NRCAM: variants seen among roughly 807,000 people sequenced by gnomAD.
NRCAM encodes the protein neuronal cell adhesion molecule, also known as NgCAM-related cell adhesion molecule.
In NRCAM, 83 loss-of-function variants were observed where a neutral mutation model predicts 156.5. The observed-to-expected ratio is 0.53, with a 90% CI of 0.44 to 0.64. NRCAM has a LOEUF of 0.64. NRCAM is among the 30% of genes least tolerant of loss of function. The pLI is 0.00. For synonymous variants in NRCAM, 538 were observed against 563.9 expected (o/e 0.95, Z 0.65); for missense variants, 1,417 against 1,597.3 (o/e 0.89, Z 1.92).
intron 2 of NRCAM, among the ~76,000 whole-genome samples, chr7:108,392,760 T>A (rs1184154441): frequency 6.6e-6 from 1 of 152,164 alleles, no homozygotes; most frequent in Non-Finnish European, 1.5e-5. Flanking sequence ...GTGGATGTCG[T>A]TTCTGTTTGT....
In NRCAM at chr7:108,194,308, C is replaced by T. The variant is rs2073740001; in HGVS notation, c.1584G>A (p.Arg528=). The change falls in exon 16 of 33, where the codon AGG becomes AGA. Residue 528 remains arginine, a synonymous_variant. Transcript: ENST00000379028. The part of the protein sequence containing the change: ...DSTGTYTCVA[R]NKLGMAKNEV... ...CATTCTTCGCCATCCCTAATTTATTCCTTGCAACACACGTATAAGTTCCTG... is the reference window on the plus strand; with the variant it reads ...CATTCTTCGCCATCCCTAATTTATTTCTTGCAACACACGTATAAGTTCCTG... The T allele has an allele frequency of 6.2e-7, 1 of 1,613,378 alleles. No individual in the cohort carries two copies. Among genetic ancestry groups the T allele is most frequent in the South Asian group, 1.1e-5 (1 of 90,994 alleles).
At chr7:108,239,728 G>A (rs1417475285) in intron 4 of NRCAM, among the ~76,000 whole-genome samples, 2 of 152,158 alleles carry the variant, frequency 1.3e-5, no homozygotes, top group Non-Finnish European at 2.9e-5. Flanking sequence ...GGCACCTGAG[G>A]GGGAAGAAGG....
chr7:108,226,232 G>A lies in NRCAM; in HGVS notation c.697C>T (p.Pro233Ser). 1 of 1,601,322 alleles carries A rather than the reference G, an allele frequency of 6.2e-7. No individual in the cohort carries two copies. Among genetic ancestry groups the A allele is most frequent in the South Asian group, 1.1e-5 (1 of 88,338 alleles). Residue 233 changes from proline (P) to serine (S), a missense_variant, in exon 9 of 33, where the codon CCT (proline) becomes TCT (serine). Transcript: ENST00000379028. The stretch of plus-strand genomic sequence containing the variant: ...CCTGAAATCACCTTCACAGAAATAG[G>A]TTGCTTCTGCTGTATGGTTTGAGTA... ...NHTQTIQQKQ[P>S]ISVKVISVDE...
At chr7:108,191,187 T>C in intron 19 of NRCAM, 67 bp downstream of exon 19, 1 of 1,317,860 alleles carries the variant, frequency 7.6e-7, no homozygotes, top group Non-Finnish European at 1.1e-6. Context: ...AAGAAAGTTA[T>C]GAATACTTTC....
At chr7:108,152,342 A>G (rs1262849394) in intron 32 of NRCAM, among the ~76,000 whole-genome samples, 3 of 151,896 alleles carry the variant, frequency 2.0e-5, no homozygotes, top group Admixed American at 2.0e-4. Context: ...AGGAGTAACA[A>G]GCAGTATAAA....
At chr7:108,387,252 C>T (rs530023412) in intron 2 of NRCAM, among the ~76,000 whole-genome samples, 58 of 152,108 alleles carry the variant, frequency 3.8e-4, no homozygotes, top group African/African-American at 1.4e-3. Flanking sequence ...CTCCACATAC[C>T]TTATTAATAG....
chr7:108,280,356 C>T (rs1260729490), intron 3 of NRCAM, among the ~76,000 whole-genome samples: 1 of 152,206 alleles, frequency 6.6e-6, no homozygotes, highest in Admixed American at 6.5e-5. Context: ...AGGACGATTG[C>T]CAATGCAGTT....
chr7:108,384,544 A>G (rs867952794), intron 2 of NRCAM, among the ~76,000 whole-genome samples: 1 of 152,140 alleles, frequency 6.6e-6, no homozygotes, highest in African/African-American at 2.4e-5. Flanking sequence ...TTGGCAGAGG[A>G]GATTTGAAGG....
At chr7:108,405,031 G>A (rs569516963) in intron 1 of NRCAM, among the ~76,000 whole-genome samples, 1 of 152,336 alleles carries the variant, frequency 6.6e-6, no homozygotes, top group East Asian at 1.9e-4. Context: ...CTATGGATGT[G>A]TGAGTGACTT....
At chr7:108,246,165 A>G (rs1409012619) in intron 3 of NRCAM, among the ~76,000 whole-genome samples, 1 of 152,204 alleles carries the variant, frequency 6.6e-6, no homozygotes, top group East Asian at 1.9e-4. Flanking sequence ...TCTTTATCCC[A>G]CCTTCCAATC....
intron 2 of NRCAM, among the ~76,000 whole-genome samples, chr7:108,321,400 G>C (rs1164148010): frequency 6.6e-6 from 1 of 152,158 alleles, no homozygotes; most frequent in Non-Finnish European, 1.5e-5. Flanking sequence ...CCTGGCAAGA[G>C]AGTGAGTGAG....
At chr7:108,413,484 C>G (rs886934106) in intron 1 of NRCAM, among the ~76,000 whole-genome samples, 17 of 152,106 alleles carry the variant, frequency 1.1e-4, no homozygotes, top group Non-Finnish European at 2.4e-4. Context: ...TAACCCTTTC[C>G]TCTTTATAAA....
intron 3 of NRCAM, among the ~76,000 whole-genome samples, chr7:108,281,258 T>C (rs2097849404): frequency 6.6e-6 from 1 of 152,174 alleles, no homozygotes; most frequent in African/African-American, 2.4e-5. Context: ...TTAAATATGA[T>C]AATAACCTAA....
chr7:108,361,462 G>A (rs2099550253), intron 2 of NRCAM, among the ~76,000 whole-genome samples: 2 of 152,184 alleles, frequency 1.3e-5, no homozygotes, highest in Admixed American at 1.3e-4. Context: ...ATCAACTGAA[G>A]GCCTGAATTG....
chr7:108,409,848 A>G (rs1012515405), intron 1 of NRCAM, among the ~76,000 whole-genome samples: 1 of 152,240 alleles, frequency 6.6e-6, no homozygotes, highest in African/African-American at 2.4e-5. Flanking sequence ...AAGGACATCT[A>G]GATTCTAACA....
At chr7:108,364,354 G>A (rs1417483459) in intron 2 of NRCAM, among the ~76,000 whole-genome samples, 1 of 152,178 alleles carries the variant, frequency 6.6e-6, no homozygotes, top group South Asian at 2.1e-4. Context: ...GCTGACAATA[G>A]CAAGTGTTGG....
rs759794616 is a variant in NRCAM at position 108,194,014 on chromosome 7, C to T, written c.1778+10G>A. The T allele has an allele frequency of 9.3e-6, 15 of 1,611,440 alleles. No homozygotes were observed. The highest frequency in any genetic ancestry group is 1.1e-5 in the Non-Finnish European group (13 of 1,178,708). On this transcript the variant is annotated intron_variant, in intron 17 of 32. Transcript: ENST00000379028. ...AATGAAGAGAAAGTAAAGAAATCGT[C>T]TTCAAATACCTTTCATCACTGGGCA...
chr7:108,422,843 T>C (rs1390682775), intron 1 of NRCAM, among the ~76,000 whole-genome samples: 1 of 152,176 alleles, frequency 6.6e-6, no homozygotes, highest in East Asian at 1.9e-4. Flanking sequence ...TCAGCCACGT[T>C]CTGTAGTGAA....
intron 3 of NRCAM, among the ~76,000 whole-genome samples, chr7:108,260,741 C>CA (rs2096858817): frequency 1.3e-5 from 2 of 152,208 alleles, no homozygotes; most frequent in South Asian, 4.2e-4. Flanking sequence ...GGGGCCCACA[C>CA]AGAGCTGGAA....
Sources: gnomAD v4.1 joint callset for allele counts (sites outside exome capture counted in the v4.1 genomes callset) on GRCh38, gnomAD v4.1.1 for gene constraint, MANE v1.5 for transcripts, NCBI Gene and HGNC (gene_info 2026-07-23, HGNC 2026-07-21) for gene names.